COL9A1: variants seen among roughly 807,000 people sequenced by gnomAD.
COL9A1 encodes the protein collagen alpha-1(IX) chain.
A neutral mutation model predicts 142.6 loss-of-function variants in COL9A1; 104 were observed. The ratio of observed to expected loss-of-function variants is 0.73; its 90% CI spans 0.62 to 0.86. The LOEUF is 0.86. Ranked by LOEUF, COL9A1 falls within the 40% of genes least tolerant of loss-of-function variation. The probability of loss-of-function intolerance (pLI) is 0.00; values close to 1 mark genes in which losing one functional copy is unlikely to be tolerated. For missense variants in COL9A1, 1,210 were observed against 1,176.6 expected (o/e 1.03, Z -0.42); for synonymous variants, 466 against 396.0 (o/e 1.18, Z -2.10).
chr6:70,268,875 G>C lies in COL9A1; in HGVS notation c.1231-15C>G. ...GCATTGGGACACTGCCAGGGAGAGAGGGAACAAAGAGAAAGAAAGACAGAC... is the reference window on the plus strand; with the variant it reads ...GCATTGGGACACTGCCAGGGAGAGACGGAACAAAGAGAAAGAAAGACAGAC... On this transcript the variant is annotated splice_polypyrimidine_tract_variant and intron_variant, in intron 16 of 37. Coordinates refer to ENST00000357250, the MANE Select transcript of COL9A1 (RefSeq NM_001851.6). 6.2e-7 allele frequency: 1 copy of C among 1,613,336 alleles called. No individual in the cohort carries two copies.
At chr6:70,295,008 C>A (rs1260476873) in intron 4 of COL9A1, among the ~76,000 whole-genome samples, 1 of 152,168 alleles carries the variant, frequency 6.6e-6, no homozygotes, top group African/African-American at 2.4e-5. Flanking sequence ...AAGCAGCTAG[C>A]AGCTTCTAAT....
chr6:70,230,295 A>G (rs1245788314), intron 36 of COL9A1, among the ~76,000 whole-genome samples: 1 of 152,202 alleles, frequency 6.6e-6, no homozygotes, highest in Non-Finnish European at 1.5e-5. Context: ...CAAAAGTATG[A>G]CAGTGTTAAT....
In COL9A1 at chr6:70,266,789, G is replaced by A. The variant is rs745637998; in HGVS notation, c.1288-19C>T. 2 of 1,607,864 alleles carry A rather than the reference G, an allele frequency of 1.2e-6. No individual in the cohort carries two copies. Among genetic ancestry groups the A allele is most frequent in the Admixed American group, 1.7e-5 (1 of 59,986 alleles). The stretch of plus-strand genomic sequence containing the variant: ...TATGACCCTAACAAATGCAAAATAA[G>A]TAATTGTCTTGAGTTTGGTACAGAA... On this transcript the variant is annotated intron_variant, in intron 17 of 37. Transcript: ENST00000357250.
At chr6:70,224,658 G>T (rs1020817714) in intron 37 of COL9A1, among the ~76,000 whole-genome samples, 2 of 152,090 alleles carry the variant, frequency 1.3e-5, no homozygotes, top group African/African-American at 4.8e-5. Flanking sequence ...ATGGAGACAG[G>T]CACCTTTAGT....
At chr6:70,260,566 A>AAT in intron 20 of COL9A1, 91 bp downstream of exon 20, 11 of 1,011,364 alleles carry the variant, frequency 1.1e-5, no homozygotes, top group East Asian at 2.9e-5. Context: ...AAAAAAAAAA[A>AAT]GTTGTTGAAG....
chr6:70,281,575 G>T (rs533096719), intron 7 of COL9A1, 111 bp from the exon 8 acceptor site: 10 of 807,528 alleles, frequency 1.2e-5, no homozygotes, highest in Non-Finnish European at 1.9e-5. Flanking sequence ...CCTTCCAGAG[G>T]AGGCCGGGTT....
intron 7 of COL9A1, among the ~76,000 whole-genome samples, chr6:70,282,249 G>A (rs1340150805): frequency 6.6e-6 from 1 of 152,216 alleles, no homozygotes; most frequent in Non-Finnish European, 1.5e-5. Flanking sequence ...CTTTCATCAA[G>A]GAAAACTTTG....
intron 7 of COL9A1, among the ~76,000 whole-genome samples, chr6:70,282,126 C>T (rs1773203150): frequency 6.6e-6 from 1 of 152,098 alleles, no homozygotes; most frequent in Admixed American, 6.5e-5. Flanking sequence ...CAAACAGCTG[C>T]GTTTTGATGG....
intron 5 of COL9A1, among the ~76,000 whole-genome samples, chr6:70,290,568 A>G (rs1373781502): frequency 6.6e-6 from 1 of 152,122 alleles, no homozygotes; most frequent in Non-Finnish European, 1.5e-5. Context: ...TTTTCAACTT[A>G]GAAAAGGAAA....
intron 28 of COL9A1, 100 bp downstream of exon 28, chr6:70,252,020 A>T: frequency 8.0e-7 from 1 of 1,242,526 alleles, no homozygotes; most frequent in Non-Finnish European, 1.2e-6. Context: ...ATGGGCTCAA[A>T]CATCAGACAG....
At chr6:70,283,615 G>C (rs764820705) in intron 6 of COL9A1, 122 bp downstream of exon 6, 1 of 776,982 alleles carries the variant, frequency 1.3e-6, no homozygotes, top group Non-Finnish European at 2.3e-6. Flanking sequence ...CAAAGCACAG[G>C]CTCTCTTAGC....
chr6:70,299,973 CAT>C, intron 4 of COL9A1, 68 bp downstream of exon 4: 1 of 1,428,288 alleles, frequency 7.0e-7, no homozygotes, highest in South Asian at 1.2e-5. Flanking sequence ...AAAACTCTAA[CAT>C]TGGATAGCTA....
chr6:70,220,907 A>G (rs1209772036), intron 37 of COL9A1, among the ~76,000 whole-genome samples: 1 of 152,206 alleles, frequency 6.6e-6, no homozygotes, highest in Non-Finnish European at 1.5e-5. Context: ...TGAAATGTCA[A>G]GGACCTATAA....
chr6:70,239,171 T>A, intron 33 of COL9A1, 83 bp downstream of exon 33: 1 of 945,636 alleles, frequency 1.1e-6, no homozygotes, highest in Non-Finnish European at 1.7e-6. Flanking sequence ...TACATAATGA[T>A]TTCATAAAGC....
chr6:70,281,458 G>C lies in COL9A1; in HGVS notation c.808C>G (p.Pro270Ala). ...CCGGGAGGACCCTGCTCACCCGGGG[G>C]ACCTCTCTGGCAAAAATAGCAGACA... ...TPSQTTDERG[P>A]PGEQGPPGPP... The change falls in exon 8 of 38, where the codon CCC (proline) becomes GCC (alanine). Residue 270 changes from proline to alanine, a missense_variant. Coordinates refer to ENST00000357250, the MANE Select transcript of COL9A1 (RefSeq NM_001851.6). The C allele has an allele frequency of 6.2e-7, 1 of 1,611,780 alleles. No individual in the cohort carries two copies. The highest frequency in any genetic ancestry group is 8.5e-7 in the Non-Finnish European group (1 of 1,179,284).
intron 18 of COL9A1, 86 bp downstream of exon 18, chr6:70,266,631 A>G: frequency 1.8e-6 from 2 of 1,088,012 alleles, no homozygotes; most frequent in South Asian, 2.5e-5. Context: ...GAGGTTCATT[A>G]TTTCCTATAA....
chr6:70,303,018 C>A lies in COL9A1; in HGVS notation c.-94G>T, dbSNP rs556830803. 4.5e-6 allele frequency: 6 copies of A among 1,342,794 alleles called. No individual in the cohort carries two copies. The African/African-American group carries it at 8.6e-5, about 19-fold the overall frequency. 83.2% of individuals were successfully genotyped at this position (1,342,794 alleles called of 1,614,324 possible). A position where few individuals can be genotyped will look rare whatever the true frequency, so the allele number is the denominator to read the frequency against. The stretch of plus-strand genomic sequence containing the variant: ...CCCTCACGACCCCTTCACTGTTACC[C>A]TAGGACTATGTGTTCTGGGCCCAGC... On this transcript the variant is annotated 5_prime_UTR_variant, in exon 1 of 38. It adds an upstream start codon to the 5' untranslated region. Coordinates refer to ENST00000357250, the MANE Select transcript of COL9A1 (RefSeq NM_001851.6).
intron 5 of COL9A1, among the ~76,000 whole-genome samples, chr6:70,290,765 G>GA (rs1305300474): frequency 1.3e-5 from 2 of 152,014 alleles, no homozygotes; most frequent in African/African-American, 4.8e-5. Flanking sequence ...ATTTACTAAA[G>GA]AAAAGCAAGA....
chr6:70,255,179 G>A lies in COL9A1; in HGVS notation c.1582C>T (p.Pro528Ser). 6.2e-7 allele frequency: 1 copy of A among 1,614,216 alleles called. No homozygotes were observed. Among genetic ancestry groups the A allele is most frequent in the Non-Finnish European group, 8.5e-7 (1 of 1,180,042 alleles). ...DRGAEGARGI[P>S]GLPGPKGDTG... is the part of the protein sequence containing the mutation. ...TCTCCTTTGGGCCCAGGGAGACCAG[G>A]AATTCCTCTAGCACCTTCAGCCCCC... The change falls in exon 23 of 38, where the codon CCT becomes TCT. Residue 528 changes from proline (P) to serine (S), a missense_variant. Coordinates refer to ENST00000357250, the MANE Select transcript of COL9A1 (RefSeq NM_001851.6).
Sources: gnomAD v4.1 joint callset for allele counts (sites outside exome capture counted in the v4.1 genomes callset) on GRCh38, gnomAD v4.1.1 for gene constraint, MANE v1.5 for transcripts, NCBI Gene and HGNC (gene_info 2026-07-23, HGNC 2026-07-21) for gene names.